The following SEM1 variants were observed in gnomAD, a reference collection of about 807,000 sequenced individuals.
SEM1 encodes SEM1 26S proteasome subunit.
A neutral mutation model predicts 12.7 loss-of-function variants in SEM1; 3 were observed. The observed-to-expected ratio is 0.24, with a 90% CI of 0.11 to 0.61. The LOEUF (loss-of-function observed/expected upper bound fraction) is 0.61, where lower values mean the gene tolerates loss of function less well. SEM1 is among the 20% of genes least tolerant of loss of function. SEM1 has a pLI of 0.88. For missense variants in SEM1, 59 were observed against 81.3 expected, an observed-to-expected ratio of 0.73 and a Z score of 1.06; for synonymous variants, 30 against 27.8, an observed-to-expected ratio of 1.08 and a Z score of -0.25.
At chr7:96,544,484 A>G (rs1351346228) in intron 2 of SEM1, among the ~76,000 whole-genome samples, 1 of 152,028 alleles carries the variant, frequency 6.6e-6, no homozygotes, top group Non-Finnish European at 1.5e-5. Flanking sequence ...ATAGATGTTT[A>G]ATAAATTCCT....
chr7:96,583,780 G>A (rs1806503480), intron 2 of SEM1, among the ~76,000 whole-genome samples: 1 of 150,434 alleles, frequency 6.6e-6, no homozygotes, highest in African/African-American at 2.4e-5. Flanking sequence ...TTTTATCCGA[G>A]ACTAGGATTG....
intron 2 of SEM1, among the ~76,000 whole-genome samples, chr7:96,598,408 T>TC (rs1234088884): frequency 4.1e-4 from 61 of 147,734 alleles, no homozygotes; most frequent in Middle Eastern, 3.5e-3. Flanking sequence ...TTTTTTTTTT[T>TC]TCCCCCAAAT....
intron 2 of SEM1, among the ~76,000 whole-genome samples, chr7:96,681,458 T>C (rs1333651369): frequency 6.6e-6 from 1 of 152,090 alleles, no homozygotes; most frequent in African/African-American, 2.4e-5. Context: ...AAGCTGTTTC[T>C]GGGTACAAGT....
intron 1 of SEM1, among the ~76,000 whole-genome samples, chr7:96,700,901 A>G (rs1790250006): frequency 2.6e-5 from 4 of 152,098 alleles, no homozygotes; most frequent in Admixed American, 2.6e-4. Flanking sequence ...TTACTATTTT[A>G]TGTGTCTTTC....
intron 2 of SEM1, among the ~76,000 whole-genome samples, chr7:96,681,303 C>T (rs904873077): frequency 9.2e-5 from 14 of 152,074 alleles, no homozygotes; most frequent in Admixed American, 3.3e-4. Flanking sequence ...TTCAACAATG[C>T]GGTGTTTTTT....
intron 2 of SEM1, among the ~76,000 whole-genome samples, chr7:96,576,525 G>T (rs1806207993): frequency 6.6e-6 from 1 of 152,032 alleles, no homozygotes; most frequent in African/African-American, 2.4e-5. Flanking sequence ...TTTGAAAGGT[G>T]TATCATCTTT....
Position 96,580,059 on chromosome 7 carries a change from G to A in SEM1, c.171-73361C>T, listed in dbSNP as rs562022783. On this transcript the variant is annotated intron_variant and NMD_transcript_variant, in intron 2 of 3. Transcript: ENST00000466986. ...ATGTATACATGTGCCATGCTGGTGC[G>A]CTGCACCCACTAACTCGTCATCTAG... is the stretch of plus-strand genomic sequence containing the variant. Among the ~76,000 whole-genome samples, 67 of 149,162 alleles carry A rather than the reference G, an allele frequency of 4.5e-4. 1 individual carries two copies. Among genetic ancestry groups the A allele is most frequent in the African/African-American group, 1.4e-3 (55 of 40,566 alleles).
downstream of SEM1, among the ~76,000 whole-genome samples, chr7:96,685,834 G>A (rs976908079): frequency 6.6e-6 from 1 of 151,028 alleles, no homozygotes; most frequent in East Asian, 1.9e-4. Flanking sequence ...ATTATCACAT[G>A]CTAATCTTCA....
At chr7:96,591,911 AC>A (rs1384442522) in intron 2 of SEM1, among the ~76,000 whole-genome samples, 3 of 150,422 alleles carry the variant, frequency 2.0e-5, no homozygotes, top group African/African-American at 4.9e-5. Flanking sequence ...GCTTTTGTTT[AC>A]AATAAAAGAA....
intron 2 of SEM1, among the ~76,000 whole-genome samples, chr7:96,652,994 T>C (rs1809048510): frequency 6.6e-6 from 1 of 152,224 alleles, no homozygotes; most frequent in African/African-American, 2.4e-5. Context: ...ACAGGGTTAA[T>C]GTGCCAAGCA....
At chr7:96,537,904 T>C (rs1804835611) in intron 2 of SEM1, among the ~76,000 whole-genome samples, 2 of 151,862 alleles carry the variant, frequency 1.3e-5, no homozygotes, top group African/African-American at 2.4e-5. Flanking sequence ...GCTTCTGGTA[T>C]TCCAATTATG....
At position 96,625,277 on chromosome 7, in the gene SEM1, A is replaced by G. The variant is rs559312179; in HGVS notation, c.171-2634T>C. ...AGGGTGTCATTTCATTTTTACATTA[A>G]GTGCATGAAGGCTTTCACTTGCCTC... On this transcript the variant is annotated intron_variant, in intron 2 of 2. Transcript: ENST00000417009. 5.3e-4 allele frequency among the ~76,000 whole-genome samples: 80 copies of G among 152,310 alleles called. No homozygotes were observed. The South Asian group carries it at 6.0e-3, about 11-fold the overall frequency.
intron 2 of SEM1, among the ~76,000 whole-genome samples, chr7:96,658,484 A>G (rs1809257560): frequency 6.6e-6 from 1 of 151,506 alleles, no homozygotes; most frequent in Non-Finnish European, 1.5e-5. Flanking sequence ...AAAATGACCA[A>G]TTAATTTGTT....
intron 2 of SEM1, among the ~76,000 whole-genome samples, chr7:96,679,399 T>G (rs1789539536): frequency 6.6e-6 from 1 of 152,126 alleles, no homozygotes; most frequent in African/African-American, 2.4e-5. Flanking sequence ...AGTACGAGTT[T>G]TGAAAAATTA....
chr7:96,556,113 C>A (rs1424152273), intron 2 of SEM1, among the ~76,000 whole-genome samples: 1 of 152,048 alleles, frequency 6.6e-6, no homozygotes, highest in Admixed American at 6.5e-5. Flanking sequence ...TTCCTGAATA[C>A]AGCACACTGA....
intron 2 of SEM1, among the ~76,000 whole-genome samples, chr7:96,527,166 C>T (rs1169236954): frequency 4.0e-5 from 6 of 151,822 alleles, no homozygotes; most frequent in African/African-American, 1.5e-4. Flanking sequence ...GGGAAACATG[C>T]AATGAAGTGA....
rs761261555 is a variant in SEM1 at position 96,680,852 on chromosome 7, T to C, written c.171-6993A>G. Among the ~76,000 whole-genome samples the C allele has an allele frequency of 1.1e-4, 17 of 152,216 alleles. 1 individual carries two copies. The highest frequency in any genetic ancestry group is 6.8e-3 in the Middle Eastern group (2 of 294). ...ATGAAATCAATATTCTGGCCATTGT[T>C]TGTCATTAGTTTCTGACACACAAGG... On this transcript the variant is annotated intron_variant, in intron 2 of 2. Transcript: ENST00000413065.
intron 2 of SEM1, among the ~76,000 whole-genome samples, chr7:96,641,948 A>C (rs1189805159): frequency 2.0e-5 from 3 of 152,042 alleles, no homozygotes; most frequent in Admixed American, 6.6e-5. Flanking sequence ...CATGAGAAAG[A>C]AAGCATTGAC....
At chr7:96,587,940 C>T (rs969203268) in intron 2 of SEM1, among the ~76,000 whole-genome samples, 15 of 152,228 alleles carry the variant, frequency 9.9e-5, no homozygotes, top group Admixed American at 8.5e-4. Flanking sequence ...TTCAGAAAAA[C>T]TTTGTACCAA....
Sources: allele counts gnomAD v4.1 joint callset (sites outside exome capture counted in the v4.1 genomes callset), GRCh38; gene constraint gnomAD v4.1.1; transcripts MANE v1.5; gene names NCBI Gene and HGNC (gene_info 2026-07-23, HGNC 2026-07-21).